Variants in CBLN2 observed in about 807,000 individuals in gnomAD.
CBLN2 encodes the protein cerebellin-2.
A neutral mutation model predicts 15.0 loss-of-function variants in CBLN2; 7 were observed. The observed-to-expected ratio is 0.47, with a 90% CI of 0.27 to 0.88. The LOEUF (loss-of-function observed/expected upper bound fraction) is 0.88, where lower values mean the gene tolerates loss of function less well. Ranked by LOEUF, CBLN2 falls within the 40% of genes least tolerant of loss-of-function variation. The pLI, the probability that CBLN2 is intolerant of heterozygous loss-of-function variation, is 0.14. For synonymous variants in CBLN2, 149 were observed against 135.2 expected, an observed-to-expected ratio of 1.10 and a Z score of -0.71; for missense variants, 242 against 304.5, an observed-to-expected ratio of 0.79 and a Z score of 1.53.
intron 1 of CBLN2, among the ~76,000 whole-genome samples, chr18:72,592,299 T>C (rs1013989388): frequency 3.3e-5 from 5 of 152,082 alleles, no homozygotes; most frequent in Non-Finnish European, 5.9e-5. Flanking sequence ...TGTATGTCTT[T>C]TTTTTTTAAA....
intron 1 of CBLN2, among the ~76,000 whole-genome samples, chr18:72,561,833 A>T (rs945358802): frequency 6.6e-6 from 1 of 152,206 alleles, no homozygotes; most frequent in African/African-American, 2.4e-5. Context: ...AAAATTACGT[A>T]AACATTAATC....
chr18:72,619,306 C>A, intron 1 of CBLN2: 2 of 599,164 alleles, frequency 3.3e-6, no homozygotes, highest in Non-Finnish European at 6.1e-6. Flanking sequence ...GAATTGTGAA[C>A]TCAGCCAAGC....
intron 1 of CBLN2, among the ~76,000 whole-genome samples, chr18:72,631,575 G>A (rs1015582916): frequency 2.6e-5 from 4 of 152,076 alleles, no homozygotes; most frequent in Non-Finnish European, 5.9e-5. Flanking sequence ...CCACACATCA[G>A]TATTTCTAAA....
chr18:72,604,320 A>G (rs2069569189), intron 1 of CBLN2, among the ~76,000 whole-genome samples: 1 of 151,946 alleles, frequency 6.6e-6, no homozygotes, highest in Non-Finnish European at 1.5e-5. Flanking sequence ...TTTTTTTGTT[A>G]TTTCCTGCAC....
At chr18:72,583,741 T>C (rs1278523448) in intron 1 of CBLN2, among the ~76,000 whole-genome samples, 9 of 152,198 alleles carry the variant, frequency 5.9e-5, no homozygotes, top group Admixed American at 5.9e-4. Flanking sequence ...AATAATGAAA[T>C]GTAATAAAGT....
intron 1 of CBLN2, among the ~76,000 whole-genome samples, chr18:72,630,537 A>ACC (rs5826205): frequency 1.4e-5 from 2 of 142,576 alleles, no homozygotes; most frequent in African/African-American, 5.4e-5. Context: ...ACAACTCACA[A>ACC]CCCTCCCCCC....
chr18:72,630,380 G>A (rs1006492857), intron 1 of CBLN2, among the ~76,000 whole-genome samples: 3 of 151,990 alleles, frequency 2.0e-5, no homozygotes, highest in Non-Finnish European at 2.9e-5. Context: ...TCATTACACA[G>A]CGGACTTCCT....
intron 1 of CBLN2, among the ~76,000 whole-genome samples, chr18:72,578,529 G>C (rs2069382955): frequency 6.6e-6 from 1 of 152,124 alleles, no homozygotes; most frequent in South Asian, 2.1e-4. Flanking sequence ...CTATTGTCTG[G>C]TATACTCTTT....
chr18:72,594,726 T>C (rs2069502034), intron 1 of CBLN2, among the ~76,000 whole-genome samples: 1 of 152,076 alleles, frequency 6.6e-6, no homozygotes, highest in Non-Finnish European at 1.5e-5. Context: ...TTTGCCTACT[T>C]AGGTTTTAGA....
At position 72,577,664 on chromosome 18, in the gene CBLN2, G is replaced by A. The variant is rs541404937; in HGVS notation, c.16-38892C>T. 6.6e-5 allele frequency among the ~76,000 whole-genome samples: 10 copies of A among 152,304 alleles called. No individual in the cohort carries two copies. In the South Asian group the frequency reaches 2.1e-3, roughly 32 times the overall value. ...AGCCAGTGCGTGCAAAGTTTCCCAGGTACGCTCTGGCCTGGTGCTAATTGG... is the reference window on the plus strand; with the variant it reads ...AGCCAGTGCGTGCAAAGTTTCCCAGATACGCTCTGGCCTGGTGCTAATTGG... On this transcript the variant is annotated intron_variant, in intron 1 of 2. Transcript: ENST00000581073.
Position 72,543,332 on chromosome 18 carries a change from A to T in CBLN2, c.-167+154T>A. On this transcript the variant is annotated intron_variant, in intron 2 of 4. Coordinates refer to ENST00000269503, the MANE Select transcript of CBLN2 (RefSeq NM_182511.4). This position sits in a 1 kb window ranked among gnomAD's most constrained non-coding sequence, Gnocchi z 6.8. ...CTAAGAACAGAGAAGTTGGCTCTTG[A>T]TAAATATCCGCTGTCCGCAGCCCCG... 1 of 387,648 alleles carries T rather than the reference A, an allele frequency of 2.6e-6. No homozygotes were observed. The highest frequency in any genetic ancestry group is 4.6e-6 in the Non-Finnish European group (1 of 219,288). The allele number at this position is 387,648 out of a possible 1,614,324, so 24.0% of individuals were successfully genotyped here.
chr18:72,596,349 G>A (rs1324625198), intron 1 of CBLN2, among the ~76,000 whole-genome samples: 1 of 151,860 alleles, frequency 6.6e-6, no homozygotes, highest in African/African-American at 2.4e-5. Context: ...TTAACTTTTT[G>A]TTGTTTCTGT....
At chr18:72,627,403 T>C (rs1010933569) in intron 1 of CBLN2, among the ~76,000 whole-genome samples, 5 of 152,184 alleles carry the variant, frequency 3.3e-5, no homozygotes, top group Non-Finnish European at 1.5e-5. Context: ...TTGTTAGTAA[T>C]ATAATAATAA....
chr18:72,605,474 A>T (rs546087579), intron 1 of CBLN2, among the ~76,000 whole-genome samples: 1 of 152,386 alleles, frequency 6.6e-6, no homozygotes, highest in Non-Finnish European at 1.5e-5. Context: ...TACAATAAAT[A>T]ATTTGAAACA....
intron 1 of CBLN2, among the ~76,000 whole-genome samples, chr18:72,588,169 T>G (rs2069455709): frequency 6.6e-6 from 1 of 152,192 alleles, no homozygotes; most frequent in African/African-American, 2.4e-5. Context: ...GCTAAAGCTT[T>G]CCAGGGCGTC....
chr18:72,597,131 G>A (rs977610336), intron 1 of CBLN2, among the ~76,000 whole-genome samples: 1 of 152,168 alleles, frequency 6.6e-6, no homozygotes, highest in African/African-American at 2.4e-5. Flanking sequence ...GGTATTTATT[G>A]TAGTCTTTGC....
intron 1 of CBLN2, among the ~76,000 whole-genome samples, chr18:72,612,901 A>T (rs904419494): frequency 1.3e-5 from 2 of 152,222 alleles, no homozygotes; most frequent in South Asian, 2.1e-4. Context: ...ATCATTTCAC[A>T]GTTCTGCAGG....
At chr18:72,586,959 T>A (rs992260939) in intron 1 of CBLN2, among the ~76,000 whole-genome samples, 1 of 152,074 alleles carries the variant, frequency 6.6e-6, no homozygotes, top group Non-Finnish European at 1.5e-5. Context: ...TATATATATA[T>A]ATAAACCTGT....
intron 1 of CBLN2, among the ~76,000 whole-genome samples, chr18:72,581,047 A>G (rs1416427155): frequency 6.6e-6 from 1 of 152,176 alleles, no homozygotes; most frequent in East Asian, 1.9e-4. Context: ...TGCCTTTTGC[A>G]AGAAACCTCT....
Sources: gnomAD v4.1 joint callset for allele counts (sites outside exome capture counted in the v4.1 genomes callset) on GRCh38, gnomAD v4.1.1 for gene constraint, Gnocchi (gnomAD v3.1) non-coding constraint, MANE v1.5 for transcripts, NCBI Gene and HGNC (gene_info 2026-07-23, HGNC 2026-07-21) for gene names.